The following TXK variants were observed in gnomAD, a reference collection of about 807,000 sequenced individuals.
The protein encoded by TXK is TXK tyrosine kinase, also known as tyrosine-protein kinase TXK.
A neutral mutation model predicts 81.0 loss-of-function variants in TXK; 60 were observed. That is an observed-to-expected ratio of 0.74 (90% CI 0.60 to 0.92). The LOEUF (loss-of-function observed/expected upper bound fraction) is 0.92, where lower values mean the gene tolerates loss of function less well. Among genes scored for constraint, TXK ranks in the 40% least tolerant of loss-of-function variants. The pLI, the probability that TXK is intolerant of heterozygous loss-of-function variation, is 0.00. For synonymous variants in TXK, 203 were observed against 210.7 expected, an observed-to-expected ratio of 0.96 and a Z score of 0.32; for missense variants, 581 against 638.3, an observed-to-expected ratio of 0.91 and a Z score of 0.97.
intron 6 of TXK, among the ~76,000 whole-genome samples, chr4:48,101,283 A>G (rs2109448004): frequency 6.6e-6 from 1 of 152,344 alleles, no homozygotes; most frequent in Non-Finnish European, 1.5e-5. Flanking sequence ...AAATTCAATC[A>G]GTAGTCATGT....
intron 8 of TXK, among the ~76,000 whole-genome samples, 177 bp from the exon 9 acceptor site, chr4:48,090,001 G>T (rs1025479507): frequency 6.6e-6 from 1 of 151,962 alleles, no homozygotes; most frequent in African/African-American, 2.4e-5. Flanking sequence ...TATACTCATT[G>T]TATACAATTT....
intron 10 of TXK, among the ~76,000 whole-genome samples, chr4:48,084,994 T>C (rs1374848586): frequency 6.6e-6 from 1 of 152,190 alleles, no homozygotes; most frequent in East Asian, 1.9e-4. Context: ...CAGAACTAAA[T>C]TTCTCTGGAA....
chr4:48,074,102 T>C, intron 12 of TXK, 49 bp from the exon 13 acceptor site: 1 of 1,394,692 alleles, frequency 7.2e-7, no homozygotes, highest in Non-Finnish European at 1.0e-6. Context: ...CTCCAAGCTC[T>C]ATTTACTTCA....
At chr4:48,074,347 C>T (rs1283957959) in intron 12 of TXK, among the ~76,000 whole-genome samples, 1 of 152,114 alleles carries the variant, frequency 6.6e-6, no homozygotes, top group Non-Finnish European at 1.5e-5. Flanking sequence ...TACAAAGAAG[C>T]CTGCTAAAGG....
chr4:48,075,797 G>A (rs1419277994), intron 12 of TXK, among the ~76,000 whole-genome samples: 1 of 152,094 alleles, frequency 6.6e-6, no homozygotes, highest in Non-Finnish European at 1.5e-5. Flanking sequence ...GGACCAGTAA[G>A]CCACCTCACT....
At chr4:48,130,202 C>T (rs1283904937) in intron 1 of TXK, among the ~76,000 whole-genome samples, 2 of 152,202 alleles carry the variant, frequency 1.3e-5, no homozygotes, top group Non-Finnish European at 2.9e-5. Flanking sequence ...TAATCTGCGG[C>T]TTCTCCTGCT....
At chr4:48,114,525 T>G in intron 1 of TXK, 123 bp from the exon 2 acceptor site, 1 of 978,550 alleles carries the variant, frequency 1.0e-6, no homozygotes, top group Non-Finnish European at 1.6e-6. Flanking sequence ...GTGCCTTCCT[T>G]CACTAGTGGA....
chr4:48,096,771 T>A (rs1025275660), intron 6 of TXK, among the ~76,000 whole-genome samples: 1 of 152,210 alleles, frequency 6.6e-6, no homozygotes, highest in South Asian at 2.1e-4. Flanking sequence ...TCAAGTGATA[T>A]GCCCACCTCA....
chr4:48,085,242 G>A (rs1235109295), intron 10 of TXK, among the ~76,000 whole-genome samples: 1 of 152,130 alleles, frequency 6.6e-6, no homozygotes, highest in African/African-American at 2.4e-5. Flanking sequence ...GGTCTACAAA[G>A]AGCCACTTCT....
chr4:48,128,151 G>A (rs1366325726), intron 1 of TXK, among the ~76,000 whole-genome samples: 2 of 152,218 alleles, frequency 1.3e-5, no homozygotes, highest in East Asian at 1.9e-4. Flanking sequence ...TGGCATTTCC[G>A]ATGTCAGGGT....
Position 48,122,465 on chromosome 4 carries a change from C to T in TXK, c.17-8063G>A, listed in dbSNP as rs180835241. ...TGAATAGCCCCCTGATTTGACATTA[C>T]GGCCATCTGCACTCCCTAACTTTTG... On this transcript the variant is annotated intron_variant, in intron 1 of 14. Coordinates refer to ENST00000264316, the MANE Select transcript of TXK (RefSeq NM_003328.3). Among the ~76,000 whole-genome samples the T allele has an allele frequency of 3.9e-5, 6 of 152,320 alleles. No individual in the cohort carries two copies. The East Asian group carries it at 5.8e-4, about 15-fold the overall frequency.
In TXK at chr4:48,120,348, G is replaced by A. The variant is rs541381959; in HGVS notation, c.17-5946C>T. Among the ~76,000 whole-genome samples the A allele has an allele frequency of 6.0e-5, 9 of 149,154 alleles. No homozygotes were observed. The East Asian group carries it at 1.2e-3, about 20-fold the overall frequency. ...TATACGTATATATACACATATATAC[G>A]TATATACGTATGTATATATAAAATA... On this transcript the variant is annotated intron_variant, in intron 1 of 14. Coordinates refer to ENST00000264316, the MANE Select transcript of TXK (RefSeq NM_003328.3).
intron 1 of TXK, among the ~76,000 whole-genome samples, chr4:48,122,529 G>T (rs1461906009): frequency 4.6e-5 from 7 of 151,938 alleles, no homozygotes; most frequent in Non-Finnish European, 5.9e-5. Flanking sequence ...TTCTTTTTTG[G>T]TGTATTTCTC....
chr4:48,068,779 T>G (rs1371017564), intron 14 of TXK, among the ~76,000 whole-genome samples: 1 of 152,158 alleles, frequency 6.6e-6, no homozygotes, highest in East Asian at 1.9e-4. Context: ...ACAGGGGTCA[T>G]TGACAGTAGG....
intron 10 of TXK, among the ~76,000 whole-genome samples, chr4:48,085,365 T>A (rs1287839250): frequency 1.3e-5 from 2 of 151,890 alleles, no homozygotes; most frequent in Non-Finnish European, 2.9e-5. Flanking sequence ...GAGTAGTGTA[T>A]CACTACTAAG....
At chr4:48,126,170 AC>A (rs869232797) in intron 1 of TXK, among the ~76,000 whole-genome samples, 2 of 140,178 alleles carry the variant, frequency 1.4e-5, no homozygotes, top group East Asian at 7.4e-4. Flanking sequence ...TGCCTCTGTC[AC>A]CCCTGAGACA....
intron 1 of TXK, among the ~76,000 whole-genome samples, chr4:48,118,032 C>T (rs968694373): frequency 1.3e-5 from 2 of 152,178 alleles, no homozygotes; most frequent in African/African-American, 4.8e-5. Context: ...CAACCACATC[C>T]CTTTCCCCAA....
At chr4:48,132,401 T>G (rs931657021) in intron 1 of TXK, among the ~76,000 whole-genome samples, 1 of 152,158 alleles carries the variant, frequency 6.6e-6, no homozygotes, top group African/African-American at 2.4e-5. Context: ...TTAAAGCACC[T>G]CTCAGGTTTA....
In TXK at chr4:48,115,612, C is replaced by T. The variant is rs183082722; in HGVS notation, c.17-1210G>A. On this transcript the variant is annotated intron_variant, in intron 1 of 14. Transcript: ENST00000264316. ...CGCTAATCCCAGCACCTTGGGAGGC[C>T]GAAGCAGGCAGATCGCTTGAGCCCA... Among the ~76,000 whole-genome samples the T allele has an allele frequency of 5.0e-4, 76 of 152,112 alleles. No homozygotes were observed. The East Asian group carries it at 0.011, about 23-fold the overall frequency.
Sources: allele counts gnomAD v4.1 joint callset (sites outside exome capture counted in the v4.1 genomes callset), GRCh38; gene constraint gnomAD v4.1.1; transcripts MANE v1.5; gene names NCBI Gene and HGNC (gene_info 2026-07-23, HGNC 2026-07-21).